TUB: variants seen among roughly 807,000 people sequenced by gnomAD.
TUB encodes tubby protein homolog.
In TUB, 33 loss-of-function variants were observed where a neutral mutation model predicts 59.7. That is an observed-to-expected ratio of 0.55 (90% CI 0.42 to 0.74). The LOEUF (loss-of-function observed/expected upper bound fraction) is 0.74. TUB is among the 30% of genes least tolerant of loss of function. The probability of loss-of-function intolerance (pLI) is 0.00; values close to 1 mark genes in which losing one functional copy is unlikely to be tolerated. For synonymous variants in TUB, 293 were observed against 256.4 expected (o/e 1.14, Z -1.36); for missense variants, 659 against 672.0 (o/e 0.98, Z 0.21).
At chr11:8,046,764 T>C (rs960414993) in intron 2 of TUB, among the ~76,000 whole-genome samples, 4 of 152,140 alleles carry the variant, frequency 2.6e-5, no homozygotes, top group African/African-American at 9.7e-5. Context: ...AAAGCATAGA[T>C]AGGATCCTAT....
upstream of TUB, chr11:8,038,602 G>T: frequency 8.6e-7 from 1 of 1,164,916 alleles, no homozygotes; most frequent in Non-Finnish European, 1.1e-6. Context: ...ACCAGCAATT[G>T]GGTGTCCCTG....
intron 2 of TUB, among the ~76,000 whole-genome samples, chr11:8,071,501 G>A (rs907994516): frequency 1.3e-5 from 2 of 151,990 alleles, no homozygotes; most frequent in Admixed American, 1.3e-4. Flanking sequence ...GCCTAAACTT[G>A]GGATTCCTGA....
intron 1 of TUB, among the ~76,000 whole-genome samples, chr11:8,028,964 A>G (rs1942534883): frequency 6.6e-6 from 1 of 152,212 alleles, no homozygotes; most frequent in Admixed American, 6.5e-5. Flanking sequence ...GTGAACCGTG[A>G]TCACACCACT....
At chr11:8,044,872 A>G (rs1405590922) in intron 2 of TUB, among the ~76,000 whole-genome samples, 1 of 152,242 alleles carries the variant, frequency 6.6e-6, no homozygotes, top group Non-Finnish European at 1.5e-5. Context: ...GATACAACTC[A>G]GGAACAGCCA....
At chr11:8,046,215 G>C (rs1044898437) in intron 2 of TUB, among the ~76,000 whole-genome samples, 1 of 152,060 alleles carries the variant, frequency 6.6e-6, no homozygotes, top group Admixed American at 6.5e-5. Flanking sequence ...CTTTCCTCAG[G>C]ATCATTGCCT....
At chr11:8,040,548 G>A (rs1383571495) in intron 2 of TUB, among the ~76,000 whole-genome samples, 10 of 152,300 alleles carry the variant, frequency 6.6e-5, no homozygotes, top group South Asian at 2.1e-4. Context: ...CAGGGGTCTC[G>A]AGTATGGCCT....
intron 2 of TUB, among the ~76,000 whole-genome samples, chr11:8,052,123 A>G (rs1942943124): frequency 6.6e-6 from 1 of 152,210 alleles, no homozygotes; most frequent in South Asian, 2.1e-4. Flanking sequence ...GGCATGGCAA[A>G]TGCCTCCTCA....
At chr11:8,019,384 C>A in intron 1 of TUB, 1 of 1,237,498 alleles carries the variant, frequency 8.1e-7, no homozygotes, top group Non-Finnish European at 1.0e-6. Context: ...GGTGGCCCTG[C>A]GTGAGCGCCT....
chr11:8,067,023 C>T (rs1048914723), intron 2 of TUB, among the ~76,000 whole-genome samples: 1 of 152,174 alleles, frequency 6.6e-6, no homozygotes, highest in African/African-American at 2.4e-5. Flanking sequence ...TGACCTCCAT[C>T]CTGCCCCTCC....
intron 2 of TUB, among the ~76,000 whole-genome samples, chr11:8,063,759 T>C (rs1943178841): frequency 6.6e-6 from 1 of 152,264 alleles, no homozygotes. Flanking sequence ...ATAGTTCTTG[T>C]CACATATTAC....
intron 3 of TUB, among the ~76,000 whole-genome samples, chr11:8,091,889 T>C (rs1476604867): frequency 6.6e-6 from 1 of 152,202 alleles, no homozygotes; most frequent in Non-Finnish European, 1.5e-5. Context: ...TCATATGGCG[T>C]GTGGCCTGTG....
chr11:8,091,013 A>G (rs1420753358), intron 3 of TUB, among the ~76,000 whole-genome samples: 3 of 151,982 alleles, frequency 2.0e-5, no homozygotes, highest in African/African-American at 7.3e-5. Flanking sequence ...TAGTAATTCT[A>G]AAAAGGTTGC....
chr11:8,049,340 T>G lies in TUB; in HGVS notation c.203+9648T>G, dbSNP rs1327582286. Among the ~76,000 whole-genome samples the G allele has an allele frequency of 2.0e-5, 3 of 152,106 alleles. No individual in the cohort carries two copies. The East Asian group carries it at 5.8e-4, about 29-fold the overall frequency. On this transcript the variant is annotated intron_variant, in intron 2 of 12. Coordinates refer to the TUB transcript ENST00000305253. Reference sequence around the variant, plus strand: ...TTTTAGAACTTGAAGGGTGCCGTATTGGAGGCCATCCTAGACCAACTAAAT... The same window carrying G: ...TTTTAGAACTTGAAGGGTGCCGTATGGGAGGCCATCCTAGACCAACTAAAT...
At position 8,104,927 on chromosome 11, in the gene TUB, GTTGTTT is replaced by G. The variant is rs1235273936; in HGVS notation, c.*3311_*3316del. 4.2e-5 allele frequency: 6 copies of G among 144,104 alleles called. No homozygotes were observed. Among genetic ancestry groups the G allele is most frequent in the Non-Finnish European group, 6.0e-5 (4 of 66,278 alleles). 8.9% of individuals were successfully genotyped at this position (144,104 alleles called of 1,614,324 possible). On this transcript the variant is annotated 3_prime_UTR_variant, in exon 12 of 12. Transcript: ENST00000299506. ...GGGCACAAAATTCTAGAAGCAGAAG[GTTGTTT>G]TTTTTTTTTTTTCTCCATTCTGAAA...
chr11:8,075,523 T>C (rs12799429), intron 2 of TUB: 51,259 of 152,206 alleles, frequency 0.34, 10,586 homozygotes, highest in East Asian at 0.58. Flanking sequence ...TGAATAGGCA[T>C]AGGCATGACT....
intron 1 of TUB, among the ~76,000 whole-genome samples, chr11:8,087,908 C>T (rs1291118358): frequency 6.6e-6 from 1 of 152,220 alleles, no homozygotes; most frequent in Non-Finnish European, 1.5e-5. Context: ...TGCCCAGCCT[C>T]TCAGCCAGCT....
rs1259500288 is a variant in TUB at position 8,094,282 on chromosome 11, T to C, written c.397+93T>C. The stretch of plus-strand genomic sequence containing the variant: ...GTCCTCCTGACTTGGAGGGGAGGGA[T>C]AGGATGAACAGCCTCAGGGAAGACA... On this transcript the variant is annotated intron_variant, in intron 4 of 11. Transcript: ENST00000299506. 9.7e-6 allele frequency: 14 copies of C among 1,438,054 alleles called. No homozygotes were observed. In the East Asian group the frequency reaches 3.4e-4, roughly 35 times the overall value. The allele number at this position is 1,438,054 out of a possible 1,614,324, so 89.1% of individuals were successfully genotyped here.
intron 2 of TUB, among the ~76,000 whole-genome samples, chr11:8,062,520 T>C (rs780286496): frequency 5.2e-5 from 2 of 38,108 alleles, no homozygotes; most frequent in Admixed American, 2.4e-4. Flanking sequence ...TGTGTGCGTG[T>C]GTGTGTGTGT....
rs764446328 is a variant in TUB, at chr11:8,104,927, G to GTTTTTTTTTTT, written c.*3310_*3311insTTTTTTTTTTT. Reference sequence around the variant, plus strand: ...GGGCACAAAATTCTAGAAGCAGAAGGTTGTTTTTTTTTTTTTTTCTCCATT... The same window carrying GTTTTTTTTTTT: ...GGGCACAAAATTCTAGAAGCAGAAGGTTTTTTTTTTTTTGTTTTTTTTTTTTTTTCTCCATT... On this transcript the variant is annotated 3_prime_UTR_variant, in exon 12 of 12. Transcript: ENST00000299506. 4.9e-5 allele frequency: 7 copies of GTTTTTTTTTTT among 144,104 alleles called. No individual in the cohort carries two copies. The highest frequency in any genetic ancestry group is 6.0e-5 in the Non-Finnish European group (4 of 66,278). The allele number at this position is 144,104 out of a possible 1,614,324, so 8.9% of individuals were successfully genotyped here.
Sources: allele counts gnomAD v4.1 joint callset (sites outside exome capture counted in the v4.1 genomes callset), GRCh38; gene constraint gnomAD v4.1.1; transcripts MANE v1.5; gene names NCBI Gene and HGNC (gene_info 2026-07-23, HGNC 2026-07-21).